The following GPHN variants were observed in gnomAD, a reference collection of about 807,000 sequenced individuals.
The protein encoded by GPHN is gephyrin.
GPHN carries 17 observed loss-of-function variants against 95.5 expected under a neutral mutation model. The ratio of observed to expected loss-of-function variants is 0.18; its 90% CI spans 0.12 to 0.27. GPHN has a LOEUF of 0.27. Ranked by LOEUF, GPHN falls within the 10% of genes least tolerant of loss-of-function variation. The pLI is 1.00. For missense variants in GPHN, 660 were observed against 978.1 expected (o/e 0.67, Z 4.34); for synonymous variants, 320 against 322.5 (o/e 0.99, Z 0.08).
At chr14:66,678,275 T>G (rs2066728479) in intron 1 of GPHN, among the ~76,000 whole-genome samples, 1 of 76,216 alleles carries the variant, frequency 1.3e-5, no homozygotes, top group Non-Finnish European at 2.0e-5. Context: ...TTATTCATTC[T>G]TTTTTAAATT....
At chr14:67,386,520 T>A in the GPHN span, 1 of 152,242 alleles carries the variant, frequency 6.6e-6, no homozygotes, top group Non-Finnish European at 1.5e-5. Context: ...AAAAGTATTG[T>A]ATGATACAGA....
intron 1 of GPHN, among the ~76,000 whole-genome samples, chr14:66,679,549 G>C (rs1447480212): frequency 6.6e-6 from 1 of 152,016 alleles, no homozygotes; most frequent in Non-Finnish European, 1.5e-5. Context: ...CTCACTTTCT[G>C]TCTGCTTTAT....
chr14:66,580,677 A>G (rs2061123527), intron 1 of GPHN, among the ~76,000 whole-genome samples: 1 of 151,982 alleles, frequency 6.6e-6, no homozygotes, highest in African/African-American at 2.4e-5. Context: ...TTGAATCAGC[A>G]GTCATAGACT....
intron 2 of GPHN, among the ~76,000 whole-genome samples, chr14:66,684,585 A>G (rs991926497): frequency 3.3e-5 from 5 of 152,166 alleles, no homozygotes; most frequent in African/African-American, 7.2e-5. Context: ...TGTATAGTAC[A>G]TACTCCAGTA....
At chr14:66,860,029 TAAAG>T (rs1031021530) in intron 4 of GPHN, among the ~76,000 whole-genome samples, 2 of 151,426 alleles carry the variant, frequency 1.3e-5, no homozygotes, top group African/African-American at 4.9e-5. Flanking sequence ...AAAGAGGAGG[TAAAG>T]AAAGAGATAG....
At chr14:67,462,696 A>C in the GPHN span, among the ~76,000 whole-genome samples, 5 of 152,224 alleles carry the variant, frequency 3.3e-5, no homozygotes, top group Non-Finnish European at 7.3e-5. Flanking sequence ...AGTCAAAGGA[A>C]AGGCTGAAGA....
At chr14:67,516,867 G>A in the GPHN span, among the ~76,000 whole-genome samples, 1 of 152,342 alleles carries the variant, frequency 6.6e-6, no homozygotes, top group African/African-American at 2.4e-5. Context: ...TAGTACAGGA[G>A]GTAGACAGCC....
intron 4 of GPHN, among the ~76,000 whole-genome samples, chr14:66,870,957 T>C (rs2063410146): frequency 6.6e-6 from 1 of 152,180 alleles, no homozygotes; most frequent in African/African-American, 2.4e-5. Context: ...ACCAATTCTA[T>C]AAAAAGTGAA....
intron 2 of GPHN, among the ~76,000 whole-genome samples, chr14:66,737,883 A>G (rs2072441535): frequency 6.6e-6 from 1 of 152,232 alleles, no homozygotes; most frequent in South Asian, 2.1e-4. Flanking sequence ...TAGTACAAAA[A>G]AAAGCAATTC....
intron 22 of GPHN, 48 bp from the exon 23 acceptor site, chr14:67,180,756 T>C (rs1389807179): frequency 1.3e-6 from 2 of 1,595,812 alleles, no homozygotes; most frequent in Non-Finnish European, 1.7e-6. Flanking sequence ...GGCCCAACTG[T>C]ATACGCCATG....
intron 4 of GPHN, among the ~76,000 whole-genome samples, chr14:66,851,346 CT>C (rs112248816): frequency 2.2e-4 from 33 of 147,740 alleles, no homozygotes; most frequent in African/African-American, 4.2e-4. Context: ...CTACAGATTA[CT>C]TTTTTTTTTT....
In GPHN at chr14:67,051,271, C is replaced by G. The variant is rs146363367; in HGVS notation, c.1007-7378C>G. On this transcript the variant is annotated intron_variant, in intron 10 of 22. Coordinates refer to ENST00000478722, the MANE Select transcript of GPHN (RefSeq NM_020806.5). Reference sequence around the variant, plus strand: ...CAGTTTAGAGAGGAAAATAAATAACCTGATGGAGCTGAAAAACACAACACA... The same window carrying G: ...CAGTTTAGAGAGGAAAATAAATAACGTGATGGAGCTGAAAAACACAACACA... 4.1e-3 allele frequency among the ~76,000 whole-genome samples: 620 copies of G among 152,274 alleles called. 6 individuals carry two copies. Among genetic ancestry groups the G allele is most frequent in the Middle Eastern group, 0.01 (3 of 294 alleles).
chr14:67,321,347 C>A, the GPHN span: 2 of 1,213,546 alleles, frequency 1.6e-6, no homozygotes, highest in South Asian at 1.3e-5. Context: ...GGTCCAAGAA[C>A]AGCGCGACCT....
At chr14:66,513,020 T>A (rs1046356975) in intron 1 of GPHN, among the ~76,000 whole-genome samples, 1 of 151,778 alleles carries the variant, frequency 6.6e-6, no homozygotes, top group African/African-American at 2.4e-5. Context: ...TTGATCTATA[T>A]GACTTGAAAG....
intron 1 of GPHN, among the ~76,000 whole-genome samples, chr14:66,603,600 C>G (rs996675884): frequency 6.6e-6 from 1 of 151,736 alleles, no homozygotes; most frequent in Non-Finnish European, 1.5e-5. Context: ...TACACAATTC[C>G]TATTTTTGTA....
chr14:67,452,287 C>A, the GPHN span, among the ~76,000 whole-genome samples: 2 of 149,678 alleles, frequency 1.3e-5, no homozygotes, highest in African/African-American at 5.0e-5. Context: ...CACACCACTG[C>A]ACTCCAGCCT....
At chr14:67,516,443 T>C in the GPHN span, among the ~76,000 whole-genome samples, 9 of 152,242 alleles carry the variant, frequency 5.9e-5, no homozygotes, top group Non-Finnish European at 1.2e-4. Flanking sequence ...CTGAAGCCCT[T>C]ACCCCTTTTT....
intron 1 of GPHN, among the ~76,000 whole-genome samples, chr14:66,638,636 C>T (rs1312820418): frequency 6.6e-6 from 1 of 152,030 alleles, no homozygotes; most frequent in Non-Finnish European, 1.5e-5. Flanking sequence ...AGATCAGAGA[C>T]CCCATCTTTG....
intron 3 of GPHN, among the ~76,000 whole-genome samples, 169 bp downstream of exon 3, chr14:66,776,690 A>G (rs1370991289): frequency 3.3e-5 from 5 of 152,054 alleles, no homozygotes; most frequent in African/African-American, 4.8e-5. Flanking sequence ...TCACCATCAG[A>G]TTTATCTGCC....
Sources: gnomAD v4.1 joint callset for allele counts (sites outside exome capture counted in the v4.1 genomes callset) on GRCh38, gnomAD v4.1.1 for gene constraint, MANE v1.5 for transcripts, NCBI Gene and HGNC (gene_info 2026-07-23, HGNC 2026-07-21) for gene names.